CTNNA2: variants seen among roughly 807,000 people sequenced by gnomAD.
The protein encoded by CTNNA2 is catenin alpha 2, also known as catenin alpha-2.
In CTNNA2, 42 loss-of-function variants were observed where a neutral mutation model predicts 101.0. The ratio of observed to expected loss-of-function variants is 0.42; its 90% CI spans 0.32 to 0.54. The LOEUF (loss-of-function observed/expected upper bound fraction) is 0.54. Among genes scored for constraint, CTNNA2 ranks in the 20% least tolerant of loss-of-function variants. The pLI is 0.14. For synonymous variants in CTNNA2, 450 were observed against 456.4 expected (o/e 0.99, Z 0.18); for missense variants, 871 against 1,223.1 (o/e 0.71, Z 4.29).
chr2:80,298,541 C>T (rs1470962721), intron 7 of CTNNA2: 1 of 152,184 alleles, frequency 6.6e-6, no homozygotes, highest in Non-Finnish European at 1.5e-5. Context: ...ACACAAGTGG[C>T]CCCTAATCCT....
chr2:79,402,009 G>T (rs944279879), intron 4 of CTNNA2, among the ~76,000 whole-genome samples: 2 of 151,538 alleles, frequency 1.3e-5, no homozygotes, highest in African/African-American at 4.8e-5. Context: ...GCCATGCAGT[G>T]GCTATAATAA....
intron 7 of CTNNA2, among the ~76,000 whole-genome samples, chr2:80,293,116 CAG>C (rs1418536813): frequency 6.6e-6 from 1 of 152,198 alleles, no homozygotes; most frequent in Non-Finnish European, 1.5e-5. Flanking sequence ...CACTATGGAG[CAG>C]AGACAGTGAG....
At chr2:80,234,170 C>G (rs1227420720) in intron 7 of CTNNA2, among the ~76,000 whole-genome samples, 2 of 152,032 alleles carry the variant, frequency 1.3e-5, no homozygotes, top group African/African-American at 4.8e-5. Context: ...CCTCAGCCTC[C>G]CAAGGTACGC....
intron 2 of CTNNA2, among the ~76,000 whole-genome samples, chr2:79,306,250 C>A (rs1370670556): frequency 2.6e-5 from 4 of 152,110 alleles, no homozygotes; most frequent in African/African-American, 9.6e-5. Flanking sequence ...AAAGGCAGAA[C>A]ATTTCAGTTA....
At chr2:79,701,827 C>T (rs1251714859) in intron 2 of CTNNA2, among the ~76,000 whole-genome samples, 3 of 151,870 alleles carry the variant, frequency 2.0e-5, no homozygotes, top group East Asian at 1.9e-4. Flanking sequence ...CATGGTGAAA[C>T]CCTGTCTCTA....
At chr2:80,431,895 T>C (rs1385808243) in intron 9 of CTNNA2, among the ~76,000 whole-genome samples, 1 of 152,158 alleles carries the variant, frequency 6.6e-6, no homozygotes. Context: ...GCTTCAACTT[T>C]TTGGTTTTTT....
chr2:79,415,626 C>G (rs1296704548), intron 4 of CTNNA2, among the ~76,000 whole-genome samples: 1 of 152,014 alleles, frequency 6.6e-6, no homozygotes, highest in Non-Finnish European at 1.5e-5. Context: ...TTAAGGAATA[C>G]TATGTGGGAA....
intron 2 of CTNNA2, among the ~76,000 whole-genome samples, chr2:79,718,334 G>A (rs1444175353): frequency 6.6e-6 from 1 of 152,188 alleles, no homozygotes; most frequent in Non-Finnish European, 1.5e-5. Flanking sequence ...GAGCATATGA[G>A]AGACTTATAA....
intron 8 of CTNNA2, among the ~76,000 whole-genome samples, chr2:80,411,245 ATTG>A (rs1679542803): frequency 6.6e-6 from 1 of 152,186 alleles, no homozygotes; most frequent in Non-Finnish European, 1.5e-5. Context: ...CATCAAATAG[ATTG>A]TTGAAGTAGG....
intron 3 of CTNNA2, among the ~76,000 whole-genome samples, chr2:79,332,139 T>C (rs2104419421): frequency 6.6e-6 from 1 of 152,188 alleles, no homozygotes; most frequent in Non-Finnish European, 1.5e-5. Flanking sequence ...CCCTCCTCCA[T>C]CCACATGAAT....
chr2:79,312,765 T>A (rs773621821), exon 3 of CTNNA2: 1 of 152,212 alleles, frequency 6.6e-6, no homozygotes, highest in African/African-American at 2.4e-5. Context: ...AAAGATGAGA[T>A]GCATGAATCA....
At chr2:80,385,681 C>T (rs535127858) in intron 7 of CTNNA2, among the ~76,000 whole-genome samples, 9 of 151,936 alleles carry the variant, frequency 5.9e-5, no homozygotes, top group Admixed American at 1.3e-4. Flanking sequence ...CCTTTCTTGC[C>T]GCAGTTTCTC....
chr2:80,425,852 A>ATAAAATATTAG (rs1392305651), intron 9 of CTNNA2, among the ~76,000 whole-genome samples: 6 of 152,204 alleles, frequency 3.9e-5, no homozygotes, highest in Non-Finnish European at 7.3e-5. Context: ...TTTAGTATAT[A>ATAAAATATTAG]TAAAATATTA....
intron 7 of CTNNA2, among the ~76,000 whole-genome samples, chr2:80,390,996 G>A (rs960348821): frequency 3.3e-5 from 5 of 151,918 alleles, no homozygotes; most frequent in African/African-American, 9.7e-5. Flanking sequence ...GCTGGACATG[G>A]TGGCACATGT....
intron 9 of CTNNA2, among the ~76,000 whole-genome samples, chr2:80,455,173 G>A (rs1373389793): frequency 6.6e-6 from 1 of 152,248 alleles, no homozygotes; most frequent in African/African-American, 2.4e-5. Context: ...GGTTTATGAA[G>A]CAGCCTTTTT....
intron 13 of CTNNA2, chr2:80,576,441 G>T (rs1379021335): frequency 7.0e-6 from 1 of 143,086 alleles, no homozygotes; most frequent in East Asian, 2.1e-4. Context: ...GGAATTTTCT[G>T]ATTATCCCCA....
intron 7 of CTNNA2, among the ~76,000 whole-genome samples, chr2:80,261,470 T>TTTTTA (rs1396253925): frequency 6.6e-6 from 1 of 152,086 alleles, no homozygotes; most frequent in Non-Finnish European, 1.5e-5. Flanking sequence ...CGTAATATAT[T>TTTTTA]TTTTAACACC....
intron 3 of CTNNA2, among the ~76,000 whole-genome samples, chr2:79,746,781 A>G (rs1328163827): frequency 6.6e-6 from 1 of 152,218 alleles, no homozygotes. Context: ...AACTCCTGTC[A>G]TACTTTTTAA....
At chr2:79,715,635 C>A (rs889392636) in intron 2 of CTNNA2, among the ~76,000 whole-genome samples, 1 of 152,128 alleles carries the variant, frequency 6.6e-6, no homozygotes, top group Non-Finnish European at 1.5e-5. Context: ...TGAGAAGCTA[C>A]ATCTCTCCCA....
Sources: gnomAD v4.1 joint callset for allele counts (sites outside exome capture counted in the v4.1 genomes callset) on GRCh38, gnomAD v4.1.1 for gene constraint, MANE v1.5 for transcripts, NCBI Gene and HGNC (gene_info 2026-07-23, HGNC 2026-07-21) for gene names.